USP48: variants seen among roughly 807,000 people sequenced by gnomAD.
USP48 encodes ubiquitin specific peptidase 48.
Under a neutral mutation model 150.7 loss-of-function variants are expected in USP48, and 43 were observed. The ratio of observed to expected loss-of-function variants is 0.29; its 90% CI spans 0.22 to 0.37. The LOEUF is 0.37. Among genes scored for constraint, USP48 ranks in the 10% least tolerant of loss-of-function variants. USP48 has a pLI of 1.00. For synonymous variants in USP48, 396 were observed against 425.9 expected, an observed-to-expected ratio of 0.93 and a Z score of 0.86; for missense variants, 813 against 1,249.6, an observed-to-expected ratio of 0.65 and a Z score of 5.27.
chr1:21,737,794 C>G (rs1169417793), intron 8 of USP48, among the ~76,000 whole-genome samples: 3 of 152,080 alleles, frequency 2.0e-5, no homozygotes, highest in Non-Finnish European at 4.4e-5. Flanking sequence ...TATGCCTAAC[C>G]ACATCCACAT....
chr1:21,744,204 G>T (rs1490752860), intron 8 of USP48, among the ~76,000 whole-genome samples: 2 of 151,960 alleles, frequency 1.3e-5, no homozygotes, highest in African/African-American at 4.8e-5. Context: ...ACCACTTTGG[G>T]AGGCCGAGGT....
chr1:21,744,663 G>C (rs2097789977), intron 8 of USP48, among the ~76,000 whole-genome samples: 1 of 147,130 alleles, frequency 6.8e-6, no homozygotes, highest in Admixed American at 7.0e-5. Flanking sequence ...TGTAATCCCA[G>C]CTACTCGGAA....
intron 1 of USP48, among the ~76,000 whole-genome samples, chr1:21,759,105 C>G (rs1383071904): frequency 1.3e-5 from 2 of 148,788 alleles, no homozygotes; most frequent in Non-Finnish European, 3.0e-5. Context: ...TTGCTTGAAC[C>G]CAGGAGGCGG....
intron 1 of USP48, among the ~76,000 whole-genome samples, chr1:21,758,406 A>G (rs1378652055): frequency 1.3e-5 from 2 of 152,164 alleles, no homozygotes; most frequent in African/African-American, 4.8e-5. Flanking sequence ...TACAGAAAGG[A>G]AAAACAAGAG....
At chr1:21,755,154 G>A (rs1348852817) in intron 3 of USP48, among the ~76,000 whole-genome samples, 2 of 151,824 alleles carry the variant, frequency 1.3e-5, no homozygotes, top group African/African-American at 4.8e-5. Context: ...TCTTCTAACT[G>A]GACTATATTT....
At chr1:21,776,621 A>T (rs2152653921) in intron 1 of USP48, among the ~76,000 whole-genome samples, 1 of 145,152 alleles carries the variant, frequency 6.9e-6, no homozygotes, top group African/African-American at 2.5e-5. Context: ...AAAAAAAAGA[A>T]GAAAGTGAGT....
At chr1:21,716,796 A>T (rs958779422) in intron 14 of USP48, among the ~76,000 whole-genome samples, 2 of 152,164 alleles carry the variant, frequency 1.3e-5, no homozygotes, top group African/African-American at 4.8e-5. Context: ...TGGGAGGCTG[A>T]GGCGGGTGGA....
chr1:21,689,882 A>C, intron 24 of USP48, 92 bp downstream of exon 24: 1 of 1,526,802 alleles, frequency 6.5e-7, no homozygotes. Flanking sequence ...TAAAGACCCA[A>C]GGCATCCTTT....
intron 1 of USP48, 23 bp downstream of exon 1, chr1:21,782,801 G>A (rs1357811759): frequency 1.3e-6 from 2 of 1,510,408 alleles, no homozygotes; most frequent in Non-Finnish European, 1.8e-6. Context: ...AGGAGCCCGC[G>A]AGGCGCGGTG....
rs2097673013 is a variant in USP48 at position 21,706,506 on chromosome 1, G to C, written c.2172C>G (p.Phe724Leu). ...NEQKTSLPNL[F>L]QDKNRPCLSN... is the part of the protein sequence containing the mutation. ...TGAGACACGGTCTGTTTTTATCCTGGAACAAATTTGGGAGAGAAGTCTTTT... is the reference window on the plus strand; with the variant it reads ...TGAGACACGGTCTGTTTTTATCCTGCAACAAATTTGGGAGAGAAGTCTTTT... Residue 724 changes from phenylalanine to leucine, a missense_variant, in exon 17 of 27, where the codon TTC becomes TTG. Transcript: ENST00000308271. The C allele has an allele frequency of 6.2e-7, 1 of 1,613,974 alleles. No individual in the cohort carries two copies. Among genetic ancestry groups the C allele is most frequent in the Non-Finnish European group, 8.5e-7 (1 of 1,180,014 alleles).
At chr1:21,679,799 T>C (rs539696401) in intron 26 of USP48, among the ~76,000 whole-genome samples, 42 of 152,314 alleles carry the variant, frequency 2.8e-4, no homozygotes, top group South Asian at 6.2e-4. Flanking sequence ...GGTTCAAGCA[T>C]TCTCCTGCCT....
At chr1:21,694,861 T>C (rs971835458) in intron 23 of USP48, among the ~76,000 whole-genome samples, 1 of 152,184 alleles carries the variant, frequency 6.6e-6, no homozygotes, top group Non-Finnish European at 1.5e-5. Context: ...TTCTCATTAT[T>C]GGAAAGCTAT....
chr1:21,693,130 T>C (rs1438887500), intron 23 of USP48, among the ~76,000 whole-genome samples: 1 of 152,174 alleles, frequency 6.6e-6, no homozygotes, highest in African/African-American at 2.4e-5. Context: ...CAAAATATTC[T>C]ACTTTCTCAG....
At chr1:21,774,877 G>A (rs2097893491) in intron 1 of USP48, among the ~76,000 whole-genome samples, 2 of 151,738 alleles carry the variant, frequency 1.3e-5, no homozygotes, top group South Asian at 4.2e-4. Context: ...TGTTGTCCCA[G>A]CTACTCCGGA....
At chr1:21,728,451 C>T in intron 11 of USP48, 119 bp downstream of exon 11, 1 of 1,493,308 alleles carries the variant, frequency 6.7e-7, no homozygotes, top group African/African-American at 1.4e-5. Context: ...AGTGTTTAAG[C>T]TGGCTTTAGT....
chr1:21,682,569 A>T (rs2097568843), intron 25 of USP48, among the ~76,000 whole-genome samples: 1 of 152,072 alleles, frequency 6.6e-6, no homozygotes, highest in Non-Finnish European at 1.5e-5. Flanking sequence ...TATTTACTTA[A>T]GTATGAGGTA....
At position 21,701,702 on chromosome 1, in the gene USP48, G is replaced by C. The variant is rs1031462371; in HGVS notation, c.2623-100C>G. On this transcript the variant is annotated intron_variant, in intron 21 of 26. Transcript: ENST00000308271. ...GACCGGCAACCTTTATCAAGACGAGGAACACCTTTATCATGGTGGGATTAT... is the reference window on the plus strand; with the variant it reads ...GACCGGCAACCTTTATCAAGACGAGCAACACCTTTATCATGGTGGGATTAT... 7 of 830,574 alleles carry C rather than the reference G, an allele frequency of 8.4e-6. No homozygotes were observed. In the African/African-American group the frequency reaches 1.2e-4, roughly 14 times the overall value. The allele number at this position is 830,574 out of a possible 1,614,324, so 51.5% of individuals were successfully genotyped here. A position where few individuals can be genotyped will look rare whatever the true frequency, so the allele number is the denominator to read the frequency against.
At chr1:21,720,473 T>TA (rs897905006) in intron 14 of USP48, among the ~76,000 whole-genome samples, 3 of 152,192 alleles carry the variant, frequency 2.0e-5, no homozygotes, top group Non-Finnish European at 4.4e-5. Context: ...AAGTTGTCTT[T>TA]AAAATTACAT....
intron 1 of USP48, among the ~76,000 whole-genome samples, chr1:21,760,113 A>C (rs2097846491): frequency 6.6e-6 from 1 of 152,220 alleles, no homozygotes; most frequent in African/African-American, 2.4e-5. Context: ...CATGGCCTTA[A>C]TTGAATCATG....
Sources: allele counts gnomAD v4.1 joint callset (sites outside exome capture counted in the v4.1 genomes callset), GRCh38; gene constraint gnomAD v4.1.1; transcripts MANE v1.5; gene names NCBI Gene and HGNC (gene_info 2026-07-23, HGNC 2026-07-21).